Variants in TNR observed in about 807,000 individuals in gnomAD.
TNR encodes the protein tenascin R.
Under a neutral mutation model 150.4 loss-of-function variants are expected in TNR, and 45 were observed. The observed-to-expected ratio is 0.30, with a 90% CI of 0.24 to 0.38. The LOEUF (loss-of-function observed/expected upper bound fraction) is 0.38. TNR is among the 10% of genes least tolerant of loss of function. The pLI, the probability that TNR is intolerant of heterozygous loss-of-function variation, is 1.00. For synonymous variants in TNR, 687 were observed against 678.4 expected (o/e 1.01, Z -0.20); for missense variants, 1,544 against 1,759.1 (o/e 0.88, Z 2.19).
chr1:175,634,213 A>T (rs1467298298), intron 1 of TNR, among the ~76,000 whole-genome samples: 1 of 152,140 alleles, frequency 6.6e-6, no homozygotes, highest in Non-Finnish European at 1.5e-5. Context: ...GTGTGCCCCC[A>T]TGTTTCAGTT....
At chr1:175,335,558 C>G (rs1650197041) in intron 20 of TNR, 153 bp downstream of exon 20, 1 of 688,614 alleles carries the variant, frequency 1.5e-6, no homozygotes, top group Admixed American at 2.8e-5. Context: ...AATAGTGAAG[C>G]TAAACAGAGC....
chr1:175,517,254 A>G (rs1340855550), intron 2 of TNR, among the ~76,000 whole-genome samples: 3 of 152,154 alleles, frequency 2.0e-5, no homozygotes, highest in Admixed American at 6.5e-5. Flanking sequence ...CCAGAAAAAA[A>G]TAGGGGCCTG....
intron 1 of TNR, among the ~76,000 whole-genome samples, chr1:175,609,755 G>T (rs1260784183): frequency 6.6e-6 from 1 of 152,156 alleles, no homozygotes; most frequent in Non-Finnish European, 1.5e-5. Context: ...TACAACCAGA[G>T]CACTAAAAGC....
intron 2 of TNR, among the ~76,000 whole-genome samples, chr1:175,481,174 A>T (rs532548052): frequency 6.6e-6 from 1 of 152,332 alleles, no homozygotes; most frequent in East Asian, 1.9e-4. Context: ...CACCCTGTGA[A>T]TAGCCTTATC....
In TNR at chr1:175,370,338, C is replaced by CTTTTTTTTTTTTTTTT. The variant is rs55795922; in HGVS notation, c.1964-3057_1964-3042dup. 9.3e-4 allele frequency among the ~76,000 whole-genome samples: 40 copies of CTTTTTTTTTTTTTTTT among 42,974 alleles called. 1 individual carries two copies. The highest frequency in any genetic ancestry group is 2.5e-3 in the African/African-American group (30 of 11,804). 28.2% of individuals were successfully genotyped at this position (42,974 alleles called of 152,430 possible). On this transcript the variant is annotated intron_variant, in intron 9 of 22. Transcript: ENST00000367674. ...GAGAACTATTCCTGGATTTTGAGTA[C>CTTTTTTTTTTTTTTTT]TTTTTTTTTTTTTTTTTTTTTTTTT...
chr1:175,435,449 G>A lies in TNR; in HGVS notation c.-63-28672C>T, dbSNP rs537257615. 5.3e-5 allele frequency among the ~76,000 whole-genome samples: 8 copies of A among 152,276 alleles called. No individual in the cohort carries two copies. In the East Asian group the frequency reaches 5.8e-4, roughly 11 times the overall value. ...CCACGGAGGATCAGGTTTAGAACACGGAGTAATTAAAGGCTCAACTGGGGA... is the reference window on the plus strand; with the variant it reads ...CCACGGAGGATCAGGTTTAGAACACAGAGTAATTAAAGGCTCAACTGGGGA... On this transcript the variant is annotated intron_variant, in intron 2 of 22. Coordinates refer to ENST00000367674, the MANE Select transcript of TNR (RefSeq NM_003285.3).
chr1:175,726,003 GA>G, intron 1 of TNR, among the ~76,000 whole-genome samples: 1 of 152,150 alleles, frequency 6.6e-6, no homozygotes, highest in Non-Finnish European at 1.5e-5. Context: ...ACTGCAATGA[GA>G]AAAAAGAACT....
chr1:175,500,926 G>A (rs1276759403), intron 2 of TNR, among the ~76,000 whole-genome samples: 2 of 152,188 alleles, frequency 1.3e-5, no homozygotes, highest in Non-Finnish European at 2.9e-5. Context: ...AGGCAGAATG[G>A]CAATGGGCTT....
chr1:175,698,428 G>C (rs1233528754), intron 1 of TNR, among the ~76,000 whole-genome samples: 1 of 152,286 alleles, frequency 6.6e-6, no homozygotes, highest in East Asian at 1.9e-4. Context: ...GAGTGCAAAG[G>C]TGCTGACATC....
At chr1:175,523,046 G>C (rs1324000594) in intron 2 of TNR, among the ~76,000 whole-genome samples, 1 of 152,154 alleles carries the variant, frequency 6.6e-6, no homozygotes, top group East Asian at 1.9e-4. Flanking sequence ...CCATCATGCA[G>C]CGTGCTCTGC....
chr1:175,536,244 AGGC>A, intron 1 of TNR, among the ~76,000 whole-genome samples: 1 of 152,184 alleles, frequency 6.6e-6, no homozygotes, highest in South Asian at 2.1e-4. Context: ...GTGCTTCACT[AGGC>A]TGGTTGAATT....
intron 1 of TNR, among the ~76,000 whole-genome samples, chr1:175,661,810 T>C (rs1238060044): frequency 2.4e-5 from 2 of 82,952 alleles, no homozygotes; most frequent in Non-Finnish European, 4.9e-5. Context: ...CCCCACCCTT[T>C]TCTCTTCTTC....
At chr1:175,513,850 A>T (rs147577868) in intron 2 of TNR, among the ~76,000 whole-genome samples, 1 of 152,184 alleles carries the variant, frequency 6.6e-6, no homozygotes, top group Non-Finnish European at 1.5e-5. Context: ...GCACATGCAC[A>T]TCTAATCCGC....
rs77843938 is a variant in TNR at position 175,409,323 on chromosome 1, A to G, written c.-63-2546T>C. ...GTAGCACATAACAGCTTTTTTGCAC[A>G]TAGTTGACACTCAAAATAAGTGAAT... On this transcript the variant is annotated intron_variant, in intron 2 of 22. Coordinates refer to ENST00000367674, the MANE Select transcript of TNR (RefSeq NM_003285.3). Among the ~76,000 whole-genome samples the G allele has an allele frequency of 4.4e-3, 664 of 152,366 alleles. 5 individuals are homozygous for G. Among genetic ancestry groups the G allele is most frequent in the African/African-American group, 0.015 (642 of 41,592 alleles).
At chr1:175,724,349 G>A (rs1667420825) in intron 1 of TNR, among the ~76,000 whole-genome samples, 1 of 152,096 alleles carries the variant, frequency 6.6e-6, no homozygotes, top group South Asian at 2.1e-4. Context: ...GGAAGAGAGC[G>A]AGAAGGGACA....
intron 2 of TNR, among the ~76,000 whole-genome samples, chr1:175,446,767 A>G (rs911078450): frequency 6.6e-6 from 1 of 152,194 alleles, no homozygotes; most frequent in Non-Finnish European, 1.5e-5. Context: ...GAAAAAGGAG[A>G]AAAATGATGG....
chr1:175,554,701 C>T (rs1057229302), intron 1 of TNR, among the ~76,000 whole-genome samples: 1 of 152,192 alleles, frequency 6.6e-6, no homozygotes, highest in African/African-American at 2.4e-5. Flanking sequence ...ATGATTTCTC[C>T]AGCCCCCACC....
rs2027867 is a variant in TNR at position 175,330,165 on chromosome 1, T to C, written c.3702A>G (p.Gln1234=). Residue 1234 remains glutamine, a synonymous_variant, in exon 21 of 23, where the codon CAA becomes CAG. Transcript: ENST00000367674. ...TGTCGTAGGAGGCGAAGGCGGCCTC[T>C]TGGCCATCCCGCATGTCCACGCGCA... ...YELRVDMRDG[Q]EAAFASYDRF... 1,184,372 of 1,612,506 alleles carry C rather than the reference T, an allele frequency of 0.73. 436,505 individuals are homozygous for C. The highest frequency in any genetic ancestry group is 0.83 in the East Asian group (37,213 of 44,826).
intron 2 of TNR, among the ~76,000 whole-genome samples, chr1:175,449,923 T>A (rs1309785467): frequency 6.6e-6 from 1 of 152,182 alleles, no homozygotes; most frequent in Non-Finnish European, 1.5e-5. Context: ...ACCTGCAGCC[T>A]CTCAGCCACC....
Sources: gnomAD v4.1 joint callset for allele counts (sites outside exome capture counted in the v4.1 genomes callset) on GRCh38, gnomAD v4.1.1 for gene constraint, MANE v1.5 for transcripts, NCBI Gene and HGNC (gene_info 2026-07-23, HGNC 2026-07-21) for gene names.